The following MATCAP2 variants were observed in gnomAD, a reference collection of about 807,000 sequenced individuals.
MATCAP2 encodes microtubule associated tyrosine carboxypeptidase 2.
the MATCAP2 span, chr7:36,357,437 A>G: frequency 6.2e-7 from 1 of 1,614,176 alleles, no homozygotes; most frequent in Non-Finnish European, 8.5e-7. Flanking sequence ...GCTCTGTAGT[A>G]GGACATTGTA....
At chr7:36,364,348 C>T in the MATCAP2 span, among the ~76,000 whole-genome samples, 12 of 152,146 alleles carry the variant, frequency 7.9e-5, no homozygotes, top group South Asian at 4.1e-4. Context: ...CTCCGCCTCA[C>T]AAACTGCTGG....
the MATCAP2 span, chr7:36,331,113 G>C: frequency 2.9e-6 from 4 of 1,359,714 alleles, no homozygotes; most frequent in Non-Finnish European, 4.2e-6. Flanking sequence ...ACTTTCTGAT[G>C]TTCAGAAAAA....
At chr7:36,365,357 G>T in the MATCAP2 span, among the ~76,000 whole-genome samples, 1 of 152,218 alleles carries the variant, frequency 6.6e-6, no homozygotes, top group South Asian at 2.1e-4. Flanking sequence ...CAATTATGGG[G>T]GCGGGGCAGA....
chr7:36,364,224 A>T, the MATCAP2 span, among the ~76,000 whole-genome samples: 4 of 151,952 alleles, frequency 2.6e-5, no homozygotes, highest in African/African-American at 9.7e-5. Context: ...AGTAGCTGGG[A>T]CTACAGGCGC....
chr7:36,341,063 T>C, the MATCAP2 span, among the ~76,000 whole-genome samples: 1 of 152,220 alleles, frequency 6.6e-6, no homozygotes, highest in Non-Finnish European at 1.5e-5. Flanking sequence ...TCACAATATG[T>C]AATATGTTAG....
the MATCAP2 span, among the ~76,000 whole-genome samples, chr7:36,385,952 C>T: frequency 5.3e-5 from 8 of 151,902 alleles, no homozygotes; most frequent in South Asian, 2.1e-4. Flanking sequence ...GCCAGGAATT[C>T]GAGACTAGCC....
chr7:36,346,541 T>C, the MATCAP2 span, among the ~76,000 whole-genome samples: 1 of 152,220 alleles, frequency 6.6e-6, no homozygotes, highest in Non-Finnish European at 1.5e-5. Flanking sequence ...CACAAGGTAT[T>C]GTATGATTCC....
the MATCAP2 span, chr7:36,390,076 A>AC: frequency 6.2e-7 from 1 of 1,612,952 alleles, no homozygotes; most frequent in South Asian, 1.1e-5. Context: ...GCCAGCCATG[A>AC]CCCACCGCTC....
chr7:36,350,140 A>G, the MATCAP2 span, among the ~76,000 whole-genome samples: 15 of 152,234 alleles, frequency 9.9e-5, no homozygotes, highest in African/African-American at 3.6e-4. Flanking sequence ...TAATATTTCA[A>G]TACTAGTACA....
At chr7:36,328,118 G>A in the MATCAP2 span, among the ~76,000 whole-genome samples, 1 of 151,478 alleles carries the variant, frequency 6.6e-6, no homozygotes. Flanking sequence ...ACCCTAGCAG[G>A]AGTGCAGTGA....
At chr7:36,379,163 A>G in the MATCAP2 span, among the ~76,000 whole-genome samples, 1 of 152,216 alleles carries the variant, frequency 6.6e-6, no homozygotes, top group Admixed American at 6.5e-5. Flanking sequence ...AAATGCAGAA[A>G]TCACCCATCT....
At chr7:36,345,670 G>A in the MATCAP2 span, among the ~76,000 whole-genome samples, 1 of 152,098 alleles carries the variant, frequency 6.6e-6, no homozygotes, top group Admixed American at 6.6e-5. Flanking sequence ...AATGGAGTTG[G>A]ACCTCTATCC....
chr7:36,368,322 G>T, the MATCAP2 span: 1 of 152,192 alleles, frequency 6.6e-6, no homozygotes, highest in Non-Finnish European at 1.5e-5. Context: ...AGGAACAAAA[G>T]AAAGTTGAAT....
At chr7:36,325,058 A>C in the MATCAP2 span, 2 of 152,270 alleles carry the variant, frequency 1.3e-5, no homozygotes, top group African/African-American at 4.8e-5. Flanking sequence ...CTGTTTTCAC[A>C]ATCACTTTTG....
At chr7:36,330,174 C>T in the MATCAP2 span, among the ~76,000 whole-genome samples, 1 of 151,844 alleles carries the variant, frequency 6.6e-6, no homozygotes, top group Non-Finnish European at 1.5e-5. Flanking sequence ...CAGCCTCGAC[C>T]TCCTGGGCTC....
chr7:36,327,832 C>G, the MATCAP2 span, among the ~76,000 whole-genome samples: 5 of 152,142 alleles, frequency 3.3e-5, no homozygotes, highest in African/African-American at 1.2e-4. Context: ...ATCCAAAACA[C>G]TTCTAGTCCC....
At chr7:36,358,401 G>C in the MATCAP2 span, among the ~76,000 whole-genome samples, 132 of 152,226 alleles carry the variant, frequency 8.7e-4, 1 homozygote, top group Admixed American at 1.2e-3. Flanking sequence ...GCATCTTCAA[G>C]CATGTTTTAG....
chr7:36,331,030 G>A, the MATCAP2 span: 5 of 1,613,566 alleles, frequency 3.1e-6, no homozygotes, highest in African/African-American at 1.3e-5. Flanking sequence ...CTCTGTATCG[G>A]AGGATTTGAA....
the MATCAP2 span, among the ~76,000 whole-genome samples, chr7:36,373,920 G>A: frequency 6.6e-6 from 1 of 151,990 alleles, no homozygotes; most frequent in Non-Finnish European, 1.5e-5. Context: ...GAGTAGCTGG[G>A]ACTACAGGTG....
Sources: gnomAD v4.1 joint callset for allele counts (sites outside exome capture counted in the v4.1 genomes callset) on GRCh38, gnomAD v4.1.1 for gene constraint, MANE v1.5 for transcripts, NCBI Gene and HGNC (gene_info 2026-07-23, HGNC 2026-07-21) for gene names.